NRXN3: variants seen among roughly 807,000 people sequenced by gnomAD.
NRXN3 encodes the protein neurexin III.
Under a neutral mutation model 137.6 loss-of-function variants are expected in NRXN3, and 32 were observed. That is an observed-to-expected ratio of 0.23 (90% CI 0.18 to 0.31). The LOEUF is 0.31. Among genes scored for constraint, NRXN3 ranks in the 10% least tolerant of loss-of-function variants. The pLI, the probability that NRXN3 is intolerant of heterozygous loss-of-function variation, is 1.00. For missense variants in NRXN3, 1,574 were observed against 2,062.5 expected, an observed-to-expected ratio of 0.76 and a Z score of 4.59; for synonymous variants, 798 against 784.5, an observed-to-expected ratio of 1.02 and a Z score of -0.29.
intron 16 of NRXN3, among the ~76,000 whole-genome samples, chr14:79,533,957 G>A (rs2097190694): frequency 6.6e-6 from 1 of 152,164 alleles, no homozygotes; most frequent in South Asian, 2.1e-4. Context: ...AAGATCTAAT[G>A]CACTTAATTT....
At chr14:79,393,188 G>T (rs968943465) in intron 15 of NRXN3, among the ~76,000 whole-genome samples, 1 of 151,924 alleles carries the variant, frequency 6.6e-6, no homozygotes, top group African/African-American at 2.4e-5. Context: ...AGAAGTTGGT[G>T]TATCCAGACA....
intron 16 of NRXN3, among the ~76,000 whole-genome samples, chr14:79,626,162 A>T (rs2098279481): frequency 6.6e-6 from 1 of 152,158 alleles, no homozygotes; most frequent in African/African-American, 2.4e-5. Context: ...GAATGAATGT[A>T]CAAGTGAGTG....
At chr14:78,541,541 C>G (rs1019411961) in intron 4 of NRXN3, among the ~76,000 whole-genome samples, 14 of 152,170 alleles carry the variant, frequency 9.2e-5, no homozygotes, top group African/African-American at 3.4e-4. Context: ...TTCTTAGCTT[C>G]CTTGCGATGG....
chr14:78,990,486 CT>C (rs1378980959), intron 15 of NRXN3, among the ~76,000 whole-genome samples: 1 of 151,292 alleles, frequency 6.6e-6, no homozygotes, highest in Non-Finnish European at 1.5e-5. Context: ...ATTCTCCTGC[CT>C]CAGCCTCCTG....
intron 16 of NRXN3, among the ~76,000 whole-genome samples, chr14:79,526,361 T>A (rs1023563810): frequency 6.6e-6 from 1 of 152,096 alleles, no homozygotes; most frequent in South Asian, 2.1e-4. Flanking sequence ...CCACCTAATT[T>A]AAAAAAATTT....
intron 16 of NRXN3, among the ~76,000 whole-genome samples, chr14:79,495,893 G>T (rs1200506132): frequency 6.6e-6 from 1 of 151,078 alleles, no homozygotes; most frequent in Non-Finnish European, 1.5e-5. Flanking sequence ...GATCAAAGTC[G>T]ATGGTATTTA....
At chr14:78,611,401 T>G (rs981941365) in intron 4 of NRXN3, among the ~76,000 whole-genome samples, 1 of 151,850 alleles carries the variant, frequency 6.6e-6, no homozygotes, top group African/African-American at 2.4e-5. Context: ...ATAGCTTCTC[T>G]TTTTTGTACT....
intron 15 of NRXN3, among the ~76,000 whole-genome samples, chr14:79,273,356 C>T (rs1281014590): frequency 6.6e-6 from 1 of 151,412 alleles, no homozygotes; most frequent in African/African-American, 2.4e-5. Flanking sequence ...TAAAATGGGC[C>T]GGGCACGGTG....
intron 17 of NRXN3, among the ~76,000 whole-genome samples, chr14:79,676,708 A>G (rs1176197877): frequency 6.6e-6 from 1 of 151,978 alleles, no homozygotes; most frequent in Non-Finnish European, 1.5e-5. Flanking sequence ...TATATACCTT[A>G]TATGTATATA....
At chr14:79,756,923 G>A (rs1051649015) in intron 19 of NRXN3, among the ~76,000 whole-genome samples, 3 of 152,176 alleles carry the variant, frequency 2.0e-5, no homozygotes, top group East Asian at 3.9e-4. Context: ...TTTTGTGAGT[G>A]GTCAGCAGAT....
chr14:78,225,864 C>G (rs890717734), intron 1 of NRXN3, among the ~76,000 whole-genome samples: 16 of 152,124 alleles, frequency 1.1e-4, no homozygotes, highest in Non-Finnish European at 2.2e-4. Context: ...GCTCACATGT[C>G]TATCTCTCCT....
At chr14:79,819,598 C>T (rs751433736) in intron 20 of NRXN3, among the ~76,000 whole-genome samples, 9 of 143,578 alleles carry the variant, frequency 6.3e-5, no homozygotes, top group Non-Finnish European at 4.5e-5. Context: ...AATTCTCCTG[C>T]CTCAACCGCC....
At chr14:79,495,074 G>A (rs2096753274) in intron 16 of NRXN3, among the ~76,000 whole-genome samples, 1 of 152,082 alleles carries the variant, frequency 6.6e-6, no homozygotes, top group African/African-American at 2.4e-5. Context: ...TTATGCATTG[G>A]ATATTTTACT....
intron 15 of NRXN3, among the ~76,000 whole-genome samples, chr14:79,292,307 G>A (rs955552565): frequency 2.6e-5 from 4 of 152,110 alleles, no homozygotes; most frequent in African/African-American, 4.8e-5. Context: ...CAAGAGTGAG[G>A]GACCCCCTCT....
At chr14:78,828,401 A>G (rs2098972859) in intron 10 of NRXN3, among the ~76,000 whole-genome samples, 2 of 152,234 alleles carry the variant, frequency 1.3e-5, no homozygotes, top group Admixed American at 1.3e-4. Context: ...TAAAGTGTCC[A>G]TATAGAAGTT....
chr14:79,842,208 T>TG (rs1345564590), intron 20 of NRXN3, among the ~76,000 whole-genome samples: 1 of 151,976 alleles, frequency 6.6e-6, no homozygotes, highest in African/African-American at 2.4e-5. Context: ...TCCAGTGAAG[T>TG]GGGGGAGGAC....
Position 79,375,635 on chromosome 14 carries a change from C to T in NRXN3, c.3263-91586C>T, listed in dbSNP as rs553656453. Among the ~76,000 whole-genome samples, 87 of 152,132 alleles carry T rather than the reference C, an allele frequency of 5.7e-4. 1 individual carries two copies. The South Asian group carries it at 0.017, about 30-fold the overall frequency. On this transcript the variant is annotated intron_variant, in intron 15 of 20. Coordinates refer to ENST00000335750, the MANE Select transcript of NRXN3 (RefSeq NM_001330195.2). The stretch of plus-strand genomic sequence containing the variant: ...TGTTGTTCTTCCGATGACTGGCTTG[C>T]CCTGGAGAAAAATACTGCTTAAATA...
At chr14:79,211,250 T>C (rs1461966235) in intron 15 of NRXN3, among the ~76,000 whole-genome samples, 1 of 152,150 alleles carries the variant, frequency 6.6e-6, no homozygotes, top group African/African-American at 2.4e-5. Context: ...TGTATTGTCA[T>C]TGTGAATTAT....
chr14:79,758,364 A>T (rs1178792844), intron 19 of NRXN3, among the ~76,000 whole-genome samples: 1 of 152,170 alleles, frequency 6.6e-6, no homozygotes, highest in Non-Finnish European at 1.5e-5. Context: ...TCATGGCAGA[A>T]GGGGAAGGAG....
Sources: allele counts gnomAD v4.1 joint callset (sites outside exome capture counted in the v4.1 genomes callset), GRCh38; gene constraint gnomAD v4.1.1; transcripts MANE v1.5; gene names NCBI Gene and HGNC (gene_info 2026-07-23, HGNC 2026-07-21).